The following PALM2AKAP2 variants were observed in gnomAD, a reference collection of about 807,000 sequenced individuals.
PALM2AKAP2 encodes PALM2-AKAP2 fusion protein.
In PALM2AKAP2, 37 loss-of-function variants were observed where a neutral mutation model predicts 71.5. That is an observed-to-expected ratio of 0.52 (90% CI 0.40 to 0.68). PALM2AKAP2 has a LOEUF of 0.68. Ranked by LOEUF, PALM2AKAP2 falls within the 30% of genes least tolerant of loss-of-function variation. The probability of loss-of-function intolerance (pLI) is 0.00; values close to 1 mark genes in which losing one functional copy is unlikely to be tolerated. For missense variants in PALM2AKAP2, 1,224 were observed against 1,191.8 expected, an observed-to-expected ratio of 1.03 and a Z score of -0.40; for synonymous variants, 468 against 478.8, an observed-to-expected ratio of 0.98 and a Z score of 0.29.
At chr9:109,667,322 C>T (rs540049456) in intron 1 of PALM2AKAP2, among the ~76,000 whole-genome samples, 2 of 152,190 alleles carry the variant, frequency 1.3e-5, no homozygotes, top group Admixed American at 6.5e-5. Context: ...ATGACCTGAA[C>T]GAGTACCTAG....
At chr9:110,145,891 C>CTT (rs61137720) in intron 2 of PALM2AKAP2, among the ~76,000 whole-genome samples, 1,459 of 64,456 alleles carry the variant, frequency 0.023, 37 homozygotes, top group Middle Eastern at 0.039. Context: ...CCTCACTCTT[C>CTT]TTTTTTTTTT....
At chr9:110,002,014 C>T (rs1832690402) in intron 6 of PALM2AKAP2, among the ~76,000 whole-genome samples, 1 of 152,184 alleles carries the variant, frequency 6.6e-6, no homozygotes, top group Non-Finnish European at 1.5e-5. Flanking sequence ...ATTTCCTTCT[C>T]CTTCCTGATT....
intron 1 of PALM2AKAP2, among the ~76,000 whole-genome samples, chr9:109,730,713 A>G (rs192506657): frequency 3.2e-4 from 48 of 152,294 alleles, no homozygotes; most frequent in African/African-American, 1.1e-3. Flanking sequence ...TATGAATAAG[A>G]AGAGTCCTTA....
At chr9:109,973,149 A>G (rs980641947) in intron 6 of PALM2AKAP2, among the ~76,000 whole-genome samples, 9 of 152,218 alleles carry the variant, frequency 5.9e-5, no homozygotes, top group African/African-American at 2.2e-4. Flanking sequence ...ACAAAGTGCC[A>G]CCTTAAATTT....
intron 3 of PALM2AKAP2, among the ~76,000 whole-genome samples, chr9:109,898,958 T>C (rs967390789): frequency 6.6e-6 from 1 of 152,226 alleles, no homozygotes; most frequent in Non-Finnish European, 1.5e-5. Context: ...GATGACACTA[T>C]CCTTCCTCTG....
intron 6 of PALM2AKAP2, among the ~76,000 whole-genome samples, chr9:109,994,901 G>A (rs189532105): frequency 6.6e-6 from 1 of 152,238 alleles, no homozygotes; most frequent in East Asian, 1.9e-4. Context: ...GGGCTCTCTT[G>A]TTCTATGCCT....
At chr9:109,729,634 C>T (rs369807055) in intron 1 of PALM2AKAP2, among the ~76,000 whole-genome samples, 5 of 152,152 alleles carry the variant, frequency 3.3e-5, no homozygotes, top group Admixed American at 2.6e-4. Context: ...TCTGTCAGTG[C>T]GGTATGACAG....
chr9:109,914,519 G>A (rs1210000026), intron 3 of PALM2AKAP2, among the ~76,000 whole-genome samples: 1 of 152,190 alleles, frequency 6.6e-6, no homozygotes, highest in Non-Finnish European at 1.5e-5. Context: ...TCATAAACAT[G>A]TGGGCAGCTT....
At chr9:109,924,923 A>T (rs941528434) in intron 4 of PALM2AKAP2, 138 bp from the exon 5 acceptor site, 11 of 1,216,340 alleles carry the variant, frequency 9.0e-6, no homozygotes, top group Non-Finnish European at 1.3e-5. Context: ...AAGAAAAGAG[A>T]TCGTTGCGTT....
chr9:109,924,320 A>G (rs146674460), intron 4 of PALM2AKAP2, among the ~76,000 whole-genome samples: 2 of 152,316 alleles, frequency 1.3e-5, no homozygotes, highest in East Asian at 3.9e-4. Context: ...ATTTTACTGT[A>G]TATAGAAACA....
chr9:109,981,924 C>G (rs144836087), intron 6 of PALM2AKAP2, among the ~76,000 whole-genome samples: 2 of 152,170 alleles, frequency 1.3e-5, no homozygotes, highest in African/African-American at 2.4e-5. Context: ...AGCTACCATA[C>G]GATCCAGCAA....
chr9:109,746,004 G>A (rs1346536785), intron 1 of PALM2AKAP2, among the ~76,000 whole-genome samples: 1 of 152,206 alleles, frequency 6.6e-6, no homozygotes, highest in East Asian at 1.9e-4. Flanking sequence ...TTGTTACTCT[G>A]CAGGTTTGCC....
chr9:109,923,770 A>G, exon 4 of PALM2AKAP2: 1 of 1,602,970 alleles, frequency 6.2e-7, no homozygotes, highest in Non-Finnish European at 8.5e-7. Context: ...GAAAGTGAAG[A>G]GTCCCAGATA....
At chr9:110,076,493 A>C (rs1834324391) in intron 1 of PALM2AKAP2, among the ~76,000 whole-genome samples, 1 of 36,694 alleles carries the variant, frequency 2.7e-5, no homozygotes, top group Admixed American at 3.5e-4. Context: ...TATATTCTAC[A>C]TATATATATA....
chr9:110,148,791 G>A (rs1431275713), intron 2 of PALM2AKAP2: 3 of 152,156 alleles, frequency 2.0e-5, no homozygotes, highest in Admixed American at 6.5e-5. Context: ...GGAAACAAAG[G>A]CTCTTTGATT....
intron 7 of PALM2AKAP2, among the ~76,000 whole-genome samples, chr9:110,029,151 A>G (rs988548426): frequency 2.0e-5 from 3 of 152,176 alleles, no homozygotes; most frequent in African/African-American, 7.2e-5. Context: ...AAGTGAAACT[A>G]TGAGAAACAC....
chr9:109,679,908 A>G (rs1329850909), intron 1 of PALM2AKAP2, among the ~76,000 whole-genome samples: 1 of 152,188 alleles, frequency 6.6e-6, no homozygotes, highest in Non-Finnish European at 1.5e-5. Flanking sequence ...GTTTGACAAG[A>G]TGCTTCATTT....
chr9:110,001,654 T>A (rs550273429), intron 6 of PALM2AKAP2, among the ~76,000 whole-genome samples: 1 of 152,308 alleles, frequency 6.6e-6, no homozygotes, highest in South Asian at 2.1e-4. Flanking sequence ...GAGCATGGAA[T>A]GTTCATGCTT....
At chr9:109,956,442 A>G (rs778199283) in intron 6 of PALM2AKAP2, among the ~76,000 whole-genome samples, 4 of 152,258 alleles carry the variant, frequency 2.6e-5, no homozygotes, top group Non-Finnish European at 4.4e-5. Flanking sequence ...AGACAACCTG[A>G]AAGTGAGATA....
Sources: gnomAD v4.1 joint callset for allele counts (sites outside exome capture counted in the v4.1 genomes callset) on GRCh38, gnomAD v4.1.1 for gene constraint, MANE v1.5 for transcripts, NCBI Gene and HGNC (gene_info 2026-07-23, HGNC 2026-07-21) for gene names.